ATP11C: variants seen among roughly 807,000 people sequenced by gnomAD.
ATP11C encodes ATPase phospholipid transporting 11C (ATP11C blood group).
Under a neutral mutation model 97.4 loss-of-function variants are expected in ATP11C, and 36 were observed. The ratio of observed to expected loss-of-function variants is 0.37; its 90% confidence interval spans 0.28 to 0.49. The LOEUF is 0.49. ATP11C is among the 20% of genes least tolerant of loss of function. The pLI, the probability that ATP11C is intolerant of heterozygous loss-of-function variation, is 0.98. For missense variants in ATP11C, 730 were observed against 824.6 expected (o/e 0.89, Z 1.40); for synonymous variants, 275 against 290.9 (o/e 0.95, Z 0.56).
chrX:139,933,281 A>C (rs770189019), upstream of ATP11C, among the ~76,000 whole-genome samples: 40 of 102,009 alleles, frequency 3.9e-4, no homozygotes, highest in African/African-American at 1.4e-3. Flanking sequence ...CGGGTTCTCC[A>C]CGCCGGCCGG....
chrX:139,814,908 CT>C lies in ATP11C; in HGVS notation c.395del (p.Lys132SerfsTer3). 3 of 1,181,597 alleles carry C rather than the reference CT, an allele frequency of 2.5e-6. No individual in the cohort carries two copies. The highest frequency in any genetic ancestry group is 3.4e-6 in the Non-Finnish European group (3 of 882,008). On this transcript the variant is annotated frameshift_variant, in exon 5 of 30. Transcript: ENST00000682941. LOFTEE classifies it high-confidence loss of function. ...KSTVYIIENA[K>X]RVRKESEKIK... ...TTTTTTCACTTTCTTTTCTCACTCG[CT>C]TTGCATTTTCAATAATGTAAACAGT...
intron 1 of ATP11C, among the ~76,000 whole-genome samples, chrX:139,854,644 T>C (rs561607215): frequency 1.4e-4 from 16 of 112,311 alleles, no homozygotes; most frequent in African/African-American, 5.2e-4. Context: ...ATGCAAGAAA[T>C]GTTGTATAAT....
intron 1 of ATP11C, among the ~76,000 whole-genome samples, chrX:139,871,994 A>G (rs1295506837): frequency 9.0e-6 from 1 of 111,438 alleles, no homozygotes; most frequent in Admixed American, 9.6e-5. Context: ...ACTCCTACTG[A>G]TTTTATCATT....
chrX:139,842,040 T>C (rs772612482), intron 1 of ATP11C, among the ~76,000 whole-genome samples: 1 of 111,982 alleles, frequency 8.9e-6, no homozygotes, highest in African/African-American at 3.2e-5. Context: ...TTTTGTTTTG[T>C]TTTGCTTTTT....
chrX:139,861,463 T>C (rs372117255), intron 1 of ATP11C, among the ~76,000 whole-genome samples: 3 of 111,398 alleles, frequency 2.7e-5, no homozygotes, highest in African/African-American at 9.8e-5. Context: ...AAGAAATTAA[T>C]AATATTTAAC....
intron 1 of ATP11C, among the ~76,000 whole-genome samples, chrX:139,863,920 G>T (rs2084243232): frequency 1.8e-5 from 2 of 109,510 alleles, no homozygotes; most frequent in African/African-American, 6.7e-5. Context: ...AAATTAGCTG[G>T]ACGTGGTGGT....
At chrX:139,781,105 C>T (rs1016076737) in intron 18 of ATP11C, among the ~76,000 whole-genome samples, 2 of 111,240 alleles carry the variant, frequency 1.8e-5, no homozygotes, top group Admixed American at 9.6e-5. Context: ...AAAAGAGGAA[C>T]GCCAATCATC....
At chrX:139,897,006 T>C (rs1052831684) in intron 1 of ATP11C, among the ~76,000 whole-genome samples, 2 of 109,957 alleles carry the variant, frequency 1.8e-5, no homozygotes, top group East Asian at 2.9e-4. Context: ...GGTGGGCAGA[T>C]GGCTTGAGCT....
intron 1 of ATP11C, among the ~76,000 whole-genome samples, chrX:139,853,637 G>A (rs2084039938): frequency 9.1e-6 from 1 of 110,137 alleles, no homozygotes; most frequent in Non-Finnish European, 1.9e-5. Context: ...AAACAAGGAC[G>A]TAGCCCGAAA....
chrX:139,888,825 T>C (rs537448073), intron 1 of ATP11C, among the ~76,000 whole-genome samples: 3 of 110,289 alleles, frequency 2.7e-5, no homozygotes, highest in African/African-American at 9.9e-5. Flanking sequence ...TTTTTTTTTT[T>C]GGAGACAGGG....
At chrX:139,915,532 T>G (rs893419265) in intron 1 of ATP11C, among the ~76,000 whole-genome samples, 2 of 110,304 alleles carry the variant, frequency 1.8e-5, no homozygotes, top group African/African-American at 6.6e-5. Flanking sequence ...TAGCCAGGCA[T>G]GGTGGTGCAC....
intron 11 of ATP11C, 64 bp downstream of exon 11, chrX:139,797,112 C>T (rs2148754311): frequency 9.4e-7 from 1 of 1,066,477 alleles, no homozygotes; most frequent in East Asian, 3.1e-5. Context: ...CCCTGAGCAG[C>T]ATTTCAGTGA....
chrX:139,760,114 G>A (rs1638785077), intron 22 of ATP11C, among the ~76,000 whole-genome samples: 1 of 111,978 alleles, frequency 8.9e-6, no homozygotes, highest in Admixed American at 9.5e-5. Context: ...AATCTATGGT[G>A]GAACATCTAG....
intron 24 of ATP11C, among the ~76,000 whole-genome samples, chrX:139,746,593 C>CT (rs1031184179): frequency 2.7e-5 from 3 of 111,929 alleles, no homozygotes; most frequent in African/African-American, 9.7e-5. Flanking sequence ...GAAATTTCAC[C>CT]TTTTTTTAGG....
chrX:139,773,008 C>T (rs1208130169), intron 19 of ATP11C, among the ~76,000 whole-genome samples: 2 of 110,639 alleles, frequency 1.8e-5, no homozygotes, highest in Admixed American at 9.6e-5. Flanking sequence ...CAAATCTCAA[C>T]TTGAATTGTA....
At chrX:139,935,496 G>C (rs1432812319), upstream of ATP11C, among the ~76,000 whole-genome samples, 1 of 111,307 alleles carries the variant, frequency 9.0e-6, no homozygotes, top group Non-Finnish European at 1.9e-5. Flanking sequence ...GCTTGAACCT[G>C]GGAGGTGTAG....
rs188634620 is a variant in ATP11C at position 139,858,277 on chromosome X, T to C, written c.28-31454A>G. On this transcript the variant is annotated intron_variant, in intron 1 of 29. Transcript: ENST00000682941. ...CTCTTTAGCAAGACACTATTAGCCA[T>C]ATTCTCCTTCTTGGAAGACAATTTT... Among the ~76,000 whole-genome samples, 140 of 112,799 alleles carry C rather than the reference T, an allele frequency of 1.2e-3. 2 individuals are homozygous for C. In the Admixed American group the frequency reaches 0.013, roughly 10 times the overall value.
chrX:139,823,786 A>G (rs998364403), intron 2 of ATP11C, among the ~76,000 whole-genome samples: 2 of 112,388 alleles, frequency 1.8e-5, no homozygotes, highest in Non-Finnish European at 3.8e-5. Flanking sequence ...AAGACAAAAA[A>G]GCAAATGCCC....
intron 1 of ATP11C, among the ~76,000 whole-genome samples, chrX:139,847,933 G>A (rs1170653671): frequency 1.8e-5 from 2 of 110,635 alleles, no homozygotes; most frequent in African/African-American, 6.6e-5. Flanking sequence ...CATACTCATG[G>A]CATCATTCCT....
Sources: gnomAD v4.1 joint callset for allele counts (sites outside exome capture counted in the v4.1 genomes callset) on GRCh38, gnomAD v4.1.1 for gene constraint, MANE v1.5 for transcripts, NCBI Gene and HGNC (gene_info 2026-07-23, HGNC 2026-07-21) for gene names.